Variants in GARNL3 observed in about 807,000 individuals in gnomAD.
GARNL3 encodes GTPase-activating Rap/Ran-GAP domain-like protein 3.
A neutral mutation model predicts 125.0 loss-of-function variants in GARNL3; 63 were observed. The ratio of observed to expected loss-of-function variants is 0.50; its 90% confidence interval spans 0.41 to 0.62. The LOEUF is 0.62. GARNL3 is among the 20% of genes least tolerant of loss of function. The pLI, the probability that GARNL3 is intolerant of heterozygous loss-of-function variation, is 0.00. For synonymous variants in GARNL3, 439 were observed against 457.5 expected, an observed-to-expected ratio of 0.96 and a Z score of 0.52; for missense variants, 994 against 1,244.0, an observed-to-expected ratio of 0.80 and a Z score of 3.02.
chr9:127,294,702 CAT>C (rs990269784), intron 2 of GARNL3, among the ~76,000 whole-genome samples: 1 of 152,210 alleles, frequency 6.6e-6, no homozygotes, highest in South Asian at 2.1e-4. Flanking sequence ...TTACCAAAAA[CAT>C]AAGTTATATC....
chr9:127,344,250 C>T lies in GARNL3; in HGVS notation c.1267C>T (p.Arg423Ter), dbSNP rs1830018301. 2.5e-6 allele frequency: 4 copies of T among 1,609,096 alleles called. No individual in the cohort carries two copies. Among genetic ancestry groups the T allele is most frequent in the African/African-American group, 1.3e-5 (1 of 74,628 alleles). Residue 423 changes from arginine (R) to a stop codon, truncating the protein, a stop_gained, in exon 15 of 28, where the codon CGA (arginine) becomes TGA (stop). Transcript: ENST00000373387. LOFTEE classifies it high-confidence loss of function. ...TCTTTTTTAGAACATGCTTAATAGA[C>T]GATCTTTTAGTGATGTCTTACCAGA... The part of the protein sequence containing the change: ...PDLHKNMLNR[R>*]SFSDVLPESP...
At chr9:127,263,582 A>G (rs1490081613), upstream of GARNL3, 32 of 565,884 alleles carry the variant, frequency 5.7e-5, 1 homozygote, top group Non-Finnish European at 6.9e-5. Context: ...CGTAGAGGAC[A>G]TATTTAATAC....
chr9:127,236,618 G>A (rs572534321), intron 1 of GARNL3, among the ~76,000 whole-genome samples: 3 of 152,118 alleles, frequency 2.0e-5, no homozygotes, highest in Non-Finnish European at 4.4e-5. Flanking sequence ...TTGTAGACAA[G>A]GTCTCACTAT....
At chr9:127,234,597 C>T (rs1588660258) in intron 1 of GARNL3, among the ~76,000 whole-genome samples, 1 of 152,172 alleles carries the variant, frequency 6.6e-6, no homozygotes, top group Admixed American at 6.5e-5. Context: ...AAGAGATTTA[C>T]GAAGAAGGCT....
chr9:127,291,257 C>G lies in GARNL3; in HGVS notation c.219+15C>G. 6.2e-7 allele frequency: 1 copy of G among 1,608,252 alleles called. No individual in the cohort carries two copies. Among genetic ancestry groups the G allele is most frequent in the Non-Finnish European group, 8.5e-7 (1 of 1,174,824 alleles). On this transcript the variant is annotated intron_variant, in intron 2 of 27. Transcript: ENST00000373387. Reference sequence around the variant, plus strand: ...CTTCAGATGAGGTAAGGAAGCCTCCCCACTTCCTGTAATGCCACCAAGCAC... The same window carrying G: ...CTTCAGATGAGGTAAGGAAGCCTCCGCACTTCCTGTAATGCCACCAAGCAC...
At chr9:127,367,860 TA>T (rs56309525) in intron 22 of GARNL3, among the ~76,000 whole-genome samples, 53,556 of 152,030 alleles carry the variant, frequency 0.35, 9,723 homozygotes, top group Middle Eastern at 0.44. Flanking sequence ...ACCTGCTTCT[TA>T]ACAACTGTTG....
intron 2 of GARNL3, among the ~76,000 whole-genome samples, chr9:127,303,780 C>T (rs1194998777): frequency 2.6e-5 from 4 of 152,202 alleles, no homozygotes; most frequent in Admixed American, 2.6e-4. Context: ...CAAATAAAAT[C>T]AGGGTGTCAT....
intron 2 of GARNL3, among the ~76,000 whole-genome samples, chr9:127,251,390 GT>G (rs113742101): frequency 6.6e-6 from 1 of 151,652 alleles, no homozygotes; most frequent in African/African-American, 2.4e-5. Context: ...TGATTTCATA[GT>G]TTTTTTTGTT....
intron 2 of GARNL3, among the ~76,000 whole-genome samples, chr9:127,245,794 C>T (rs1320899768): frequency 6.6e-6 from 1 of 152,186 alleles, no homozygotes. Context: ...GGTAAGGGTG[C>T]GGAGGCCCAG....
At chr9:127,338,551 C>A (rs1829679110) in intron 12 of GARNL3, among the ~76,000 whole-genome samples, 1 of 152,200 alleles carries the variant, frequency 6.6e-6, no homozygotes, top group African/African-American at 2.4e-5. Context: ...GTTCGAATCC[C>A]AGTTCTATCA....
At chr9:127,272,617 C>T (rs546924137) in intron 1 of GARNL3, among the ~76,000 whole-genome samples, 5 of 152,046 alleles carry the variant, frequency 3.3e-5, no homozygotes, top group African/African-American at 9.6e-5. Context: ...GTAGCTGGGA[C>T]TACAGGTGCA....
In GARNL3 at chr9:127,386,640, G is replaced by C. The variant is rs538019567; in HGVS notation, c.2389-553G>C. 2.4e-3 allele frequency among the ~76,000 whole-genome samples: 360 copies of C among 152,262 alleles called. 1 individual carries two copies. Among genetic ancestry groups the C allele is most frequent in the Non-Finnish European group, 3.7e-3 (249 of 68,020 alleles). On this transcript the variant is annotated intron_variant, in intron 24 of 27. Transcript: ENST00000373387. ...GATATTTAGGGCCTTTGTTTTTTTA[G>C]GTTTGTATAATTTAATTTCTAATCA...
chr9:127,285,214 C>A (rs573586741), intron 1 of GARNL3, among the ~76,000 whole-genome samples: 2 of 152,170 alleles, frequency 1.3e-5, no homozygotes, highest in Non-Finnish European at 2.9e-5. Flanking sequence ...GGCGGATCAC[C>A]TGAGGTCGGG....
intron 7 of GARNL3, among the ~76,000 whole-genome samples, chr9:127,330,375 A>C (rs570079028): frequency 6.6e-6 from 1 of 152,372 alleles, no homozygotes; most frequent in East Asian, 1.9e-4. Flanking sequence ...GAAATTTATC[A>C]AATGCTAGTT....
intron 2 of GARNL3, among the ~76,000 whole-genome samples, chr9:127,311,127 GATT>G (rs1291093176): frequency 6.6e-6 from 1 of 151,834 alleles, no homozygotes; most frequent in Non-Finnish European, 1.5e-5. Flanking sequence ...AATAACACAG[GATT>G]ATATTTATTG....
At chr9:127,337,719 G>A (rs1209021230) in intron 11 of GARNL3, among the ~76,000 whole-genome samples, 1 of 152,176 alleles carries the variant, frequency 6.6e-6, no homozygotes, top group Non-Finnish European at 1.5e-5. Context: ...CATTTAAATT[G>A]CTTTCCCTTT....
Position 127,272,575 on chromosome 9 carries a change from G to T in GARNL3, c.144+7554G>T, listed in dbSNP as rs544365865. ...GCTCACTGCAACCTCTGCCTCCCAGGTTCAAGCGATTCTCCTGCCTCAGCC... is the reference window on the plus strand; with the variant it reads ...GCTCACTGCAACCTCTGCCTCCCAGTTTCAAGCGATTCTCCTGCCTCAGCC... On this transcript the variant is annotated intron_variant, in intron 1 of 27. Transcript: ENST00000373387. Among the ~76,000 whole-genome samples, 10 of 152,014 alleles carry T rather than the reference G, an allele frequency of 6.6e-5. No individual in the cohort carries two copies. The East Asian group carries it at 1.9e-3, about 29-fold the overall frequency.
At chr9:127,232,150 C>T (rs1301596379) in intron 1 of GARNL3, among the ~76,000 whole-genome samples, 1 of 152,200 alleles carries the variant, frequency 6.6e-6, no homozygotes. Context: ...TCTTGCCACC[C>T]ATCACTCATG....
chr9:127,371,649 T>C lies in GARNL3; in HGVS notation c.2161+6283T>C, dbSNP rs1831613073. ...ACAGAAAAAGTGTCATAAGACTTTA[T>C]TCAAGATTTTCAATGTCATAGTTTT... On this transcript the variant is annotated intron_variant, in intron 22 of 27. Coordinates refer to ENST00000373387, the MANE Select transcript of GARNL3 (RefSeq NM_032293.5). Among the ~76,000 whole-genome samples, 3 of 152,348 alleles carry C rather than the reference T, an allele frequency of 2.0e-5. No homozygotes were observed. In the South Asian group the frequency reaches 6.2e-4, roughly 32 times the overall value.
Sources: gnomAD v4.1 joint callset for allele counts (sites outside exome capture counted in the v4.1 genomes callset) on GRCh38, gnomAD v4.1.1 for gene constraint, MANE v1.5 for transcripts, NCBI Gene and HGNC (gene_info 2026-07-23, HGNC 2026-07-21) for gene names.